The following TENM2 variants were observed in gnomAD, a reference collection of about 807,000 sequenced individuals.
TENM2 encodes the protein teneurin-2.
TENM2 carries 52 observed loss-of-function variants against 245.2 expected under a neutral mutation model. The ratio of observed to expected loss-of-function variants is 0.21; its 90% CI spans 0.17 to 0.27. TENM2 has a LOEUF of 0.27. Among genes scored for constraint, TENM2 ranks in the 10% least tolerant of loss-of-function variants. TENM2 has a pLI of 1.00. For synonymous variants in TENM2, 1,363 were observed against 1,438.9 expected (o/e 0.95, Z 1.19); for missense variants, 3,046 against 3,666.8 (o/e 0.83, Z 4.37).
rs75707820 is a variant in TENM2, at chr5:167,502,403, A to G, written c.502+126930A>G. ...GAGAAATGTATTATATATGCTCAAG[A>G]AACAAGTAAAATGCCACTTTTAGAT... On this transcript the variant is annotated intron_variant, in intron 2 of 28. Transcript: ENST00000518659. Among the ~76,000 whole-genome samples the G allele has an allele frequency of 3.3e-3, 501 of 152,328 alleles. 24 individuals carry two copies. The South Asian group carries it at 0.083, about 25-fold the overall frequency.
At chr5:167,163,338 G>A in the TENM2 span, among the ~76,000 whole-genome samples, 19 of 152,242 alleles carry the variant, frequency 1.2e-4, no homozygotes, top group African/African-American at 2.2e-4. Flanking sequence ...GGATCCTCCC[G>A]CCTCAGCCTC....
At chr5:167,883,787 A>G (rs375520633) in intron 3 of TENM2, among the ~76,000 whole-genome samples, 29 of 152,332 alleles carry the variant, frequency 1.9e-4, no homozygotes, top group African/African-American at 7.0e-4. Flanking sequence ...AGTACATTCA[A>G]TTCTAACTAG....
chr5:167,176,465 A>T, the TENM2 span, among the ~76,000 whole-genome samples: 1 of 152,204 alleles, frequency 6.6e-6, no homozygotes, highest in Non-Finnish European at 1.5e-5. Flanking sequence ...TAGATACTCA[A>T]ATGCATATTA....
the TENM2 span, among the ~76,000 whole-genome samples, chr5:166,986,977 G>A: frequency 6.6e-6 from 1 of 152,134 alleles, no homozygotes; most frequent in Admixed American, 6.5e-5. Context: ...AGTTATTACA[G>A]AATAAAACTT....
At chr5:168,082,498 G>A (rs1324918112) in intron 7 of TENM2, among the ~76,000 whole-genome samples, 1 of 152,186 alleles carries the variant, frequency 6.6e-6, no homozygotes, top group East Asian at 1.9e-4. Context: ...GCGTTCCTTT[G>A]GAGAAGAAGT....
At chr5:167,677,078 G>A (rs1756380563) in intron 2 of TENM2, among the ~76,000 whole-genome samples, 1 of 152,032 alleles carries the variant, frequency 6.6e-6, no homozygotes, top group Admixed American at 6.6e-5. Flanking sequence ...TTCCACATGT[G>A]GAGGACAAAG....
the TENM2 span, among the ~76,000 whole-genome samples, chr5:167,122,797 G>A: frequency 1.3e-5 from 2 of 152,196 alleles, no homozygotes; most frequent in East Asian, 3.9e-4. Context: ...CTGAAAGGTG[G>A]GTTCACATTA....
chr5:167,154,083 A>AT, the TENM2 span, among the ~76,000 whole-genome samples: 1 of 152,190 alleles, frequency 6.6e-6, no homozygotes, highest in Admixed American at 6.5e-5. Context: ...CTGGAGATTA[A>AT]TATTTTTGTT....
At chr5:167,911,803 G>A (rs1776578952) in intron 3 of TENM2, among the ~76,000 whole-genome samples, 1 of 152,108 alleles carries the variant, frequency 6.6e-6, no homozygotes. Context: ...CGTACAACTG[G>A]GGATGGTGGC....
At chr5:167,981,539 G>A (rs1323703343) in intron 4 of TENM2, among the ~76,000 whole-genome samples, 1 of 152,212 alleles carries the variant, frequency 6.6e-6, no homozygotes, top group African/African-American at 2.4e-5. Flanking sequence ...GGTATAAGAA[G>A]ACAGCTGAGC....
chr5:167,738,142 G>T (rs539770484), intron 2 of TENM2, among the ~76,000 whole-genome samples: 5 of 152,354 alleles, frequency 3.3e-5, no homozygotes, highest in African/African-American at 4.8e-5. Context: ...TGCCTGGGTG[G>T]CAGTGGAGTC....
chr5:167,538,926 C>T (rs1310218859), intron 2 of TENM2, among the ~76,000 whole-genome samples: 1 of 152,114 alleles, frequency 6.6e-6, no homozygotes, highest in East Asian at 1.9e-4. Flanking sequence ...GGTTCTTAAA[C>T]CTTTCCCATC....
At chr5:167,432,003 T>C (rs1764285853) in intron 2 of TENM2, among the ~76,000 whole-genome samples, 1 of 106,922 alleles carries the variant, frequency 9.4e-6, no homozygotes, top group South Asian at 2.5e-4. Flanking sequence ...TTCTGTAAAC[T>C]GGAATTTTAA....
chr5:167,209,104 A>G, the TENM2 span, among the ~76,000 whole-genome samples: 2 of 152,190 alleles, frequency 1.3e-5, no homozygotes, highest in African/African-American at 4.8e-5. Context: ...CATTTGGGGC[A>G]CATTGTTTAA....
At chr5:167,468,698 T>G (rs890574455) in intron 2 of TENM2, among the ~76,000 whole-genome samples, 7 of 152,222 alleles carry the variant, frequency 4.6e-5, no homozygotes, top group Non-Finnish European at 1.0e-4. Context: ...AATACCAATA[T>G]GTACTTCTCT....
chr5:167,773,239 T>G (rs1352346181), intron 2 of TENM2, among the ~76,000 whole-genome samples: 1 of 152,182 alleles, frequency 6.6e-6, no homozygotes, highest in Non-Finnish European at 1.5e-5. Flanking sequence ...TCTGCCTACT[T>G]GGAGAATGTT....
Position 167,657,396 on chromosome 5 carries a change from A to G in TENM2, c.503-218590A>G, listed in dbSNP as rs371339542. 4.6e-5 allele frequency among the ~76,000 whole-genome samples: 7 copies of G among 152,172 alleles called. No homozygotes were observed. In the East Asian group the frequency reaches 7.7e-4, roughly 17 times the overall value. On this transcript the variant is annotated intron_variant, in intron 2 of 28. Coordinates refer to ENST00000518659, the Ensembl canonical transcript of TENM2. Reference sequence around the variant, plus strand: ...TCCATTCATCTGTTGGTGGACACCTATGTTGATTCCCTATCTTGGCTATTG... The same window carrying G: ...TCCATTCATCTGTTGGTGGACACCTGTGTTGATTCCCTATCTTGGCTATTG...
At chr5:168,213,955 G>A (rs1762984393) in intron 20 of TENM2, among the ~76,000 whole-genome samples, 1 of 152,150 alleles carries the variant, frequency 6.6e-6, no homozygotes, top group Non-Finnish European at 1.5e-5. Context: ...ACCAGTATAG[G>A]AATAACATGA....
chr5:167,555,819 A>C (rs1301282097), intron 2 of TENM2, among the ~76,000 whole-genome samples: 1 of 152,100 alleles, frequency 6.6e-6, no homozygotes, highest in South Asian at 2.1e-4. Flanking sequence ...AGAGCTCCAA[A>C]GCTGCACGGC....
Sources: gnomAD v4.1 joint callset for allele counts (sites outside exome capture counted in the v4.1 genomes callset) on GRCh38, gnomAD v4.1.1 for gene constraint, MANE v1.5 for transcripts, NCBI Gene and HGNC (gene_info 2026-07-23, HGNC 2026-07-21) for gene names.